The following BCL2 variants were observed in gnomAD, a reference collection of about 807,000 sequenced individuals.
BCL2 encodes the protein apoptosis regulator Bcl-2.
BCL2 carries 1 observed loss-of-function variant against 14.2 expected under a neutral mutation model. That is an observed-to-expected ratio of 0.07 (90% CI 0.02 to 0.33). The LOEUF is 0.33. BCL2 is among the 10% of genes least tolerant of loss of function. The pLI is 0.99. For missense variants in BCL2, 247 were observed against 305.9 expected, an observed-to-expected ratio of 0.81 and a Z score of 1.44; for synonymous variants, 151 against 137.2, an observed-to-expected ratio of 1.10 and a Z score of -0.70.
chr18:63,229,169 TTTTATTTA>T (rs549107762), intron 2 of BCL2, among the ~76,000 whole-genome samples: 2 of 152,234 alleles, frequency 1.3e-5, no homozygotes, highest in Non-Finnish European at 2.9e-5. Context: ...TAGTGGGAGA[TTTTATTTA>T]TTTATTTATT....
chr18:63,247,131 G>T (rs994259238), intron 2 of BCL2, among the ~76,000 whole-genome samples: 1 of 152,012 alleles, frequency 6.6e-6, no homozygotes, highest in Non-Finnish European at 1.5e-5. Flanking sequence ...TAGATGGGGA[G>T]ATAGGAATGA....
intron 2 of BCL2, among the ~76,000 whole-genome samples, chr18:63,303,467 T>A (rs1361821964): frequency 6.6e-6 from 1 of 152,236 alleles, no homozygotes; most frequent in Non-Finnish European, 1.5e-5. Flanking sequence ...CTAACTGGCT[T>A]CCTAAAGAAC....
intron 2 of BCL2, among the ~76,000 whole-genome samples, chr18:63,212,892 G>A (rs1037041115): frequency 1.3e-5 from 2 of 150,446 alleles, no homozygotes; most frequent in East Asian, 1.9e-4. Flanking sequence ...CAAAAAAAAA[G>A]TTGCTACCTT....
At chr18:63,239,076 G>A (rs1045388886) in intron 2 of BCL2, among the ~76,000 whole-genome samples, 1 of 152,156 alleles carries the variant, frequency 6.6e-6, no homozygotes, top group African/African-American at 2.4e-5. Flanking sequence ...CTGATTGGGG[G>A]TCCAATATTA....
intron 2 of BCL2, chr18:63,317,867 G>A: frequency 7.1e-7 from 1 of 1,408,864 alleles, no homozygotes; most frequent in Non-Finnish European, 9.2e-7. Flanking sequence ...CGACTAGCAA[G>A]CAAGTTAAAG....
chr18:63,222,809 AGAG>A (rs1910436588), intron 2 of BCL2, among the ~76,000 whole-genome samples: 1 of 152,226 alleles, frequency 6.6e-6, no homozygotes, highest in Non-Finnish European at 1.5e-5. Context: ...GGACAATAGG[AGAG>A]GAGATTTTAA....
intron 2 of BCL2, among the ~76,000 whole-genome samples, chr18:63,285,202 G>A (rs972637560): frequency 9.2e-5 from 14 of 152,202 alleles, no homozygotes; most frequent in Admixed American, 8.5e-4. Context: ...AAAGATCACT[G>A]GGGGAACTTC....
At chr18:63,287,496 G>A (rs1308144428) in intron 2 of BCL2, among the ~76,000 whole-genome samples, 1 of 152,118 alleles carries the variant, frequency 6.6e-6, no homozygotes, top group Non-Finnish European at 1.5e-5. Flanking sequence ...AGGGTTAGGG[G>A]GTGGCGGGCA....
At chr18:63,167,467 T>G (rs1275635248) in intron 2 of BCL2, among the ~76,000 whole-genome samples, 1 of 152,138 alleles carries the variant, frequency 6.6e-6, no homozygotes, top group Admixed American at 6.5e-5. Flanking sequence ...AATTCCTTCT[T>G]TGGGCACATT....
intron 2 of BCL2, among the ~76,000 whole-genome samples, chr18:63,289,632 G>A (rs1912587565): frequency 6.6e-6 from 1 of 152,180 alleles, no homozygotes; most frequent in Admixed American, 6.5e-5. Flanking sequence ...GGTGGCTCAT[G>A]CCTATAACCC....
At chr18:63,214,717 T>TTATC (rs1348888339) in intron 2 of BCL2, among the ~76,000 whole-genome samples, 48 of 151,388 alleles carry the variant, frequency 3.2e-4, no homozygotes, top group Admixed American at 3.2e-3. Context: ...ATTTATTTAT[T>TTATC]TATCTATTTT....
chr18:63,316,052 T>C (rs748615400), intron 2 of BCL2: 8 of 152,630 alleles, frequency 5.2e-5, no homozygotes, highest in Non-Finnish European at 1.0e-4. Context: ...CATCATAAAA[T>C]GTAGCCTCTA....
intron 2 of BCL2, among the ~76,000 whole-genome samples, chr18:63,241,738 A>C (rs1911006901): frequency 1.3e-5 from 2 of 152,248 alleles, no homozygotes; most frequent in Admixed American, 1.3e-4. Flanking sequence ...AAACACACAG[A>C]AAAGTCAAGA....
intron 2 of BCL2, among the ~76,000 whole-genome samples, chr18:63,131,723 CG>C (rs1205315132): frequency 6.6e-6 from 1 of 152,166 alleles, no homozygotes; most frequent in Non-Finnish European, 1.5e-5. Flanking sequence ...GGTCAGTGGC[CG>C]GGCTCTGAAT....
At chr18:63,226,214 GCTGCTT>G (rs1352866991) in intron 2 of BCL2, among the ~76,000 whole-genome samples, 7 of 152,166 alleles carry the variant, frequency 4.6e-5, no homozygotes. Context: ...TCAACATCCA[GCTGCTT>G]CTCTTCTCTC....
rs971705134 is a variant in BCL2 at position 63,184,768 on chromosome 18, G to A, written c.586-56009C>T. 3.3e-5 allele frequency among the ~76,000 whole-genome samples: 5 copies of A among 152,206 alleles called. No homozygotes were observed. The East Asian group carries it at 5.8e-4, about 18-fold the overall frequency. ...AGCAAGTAATGCCATCCTTGAAGGC[G>A]CCTTGAGGGCCATACTCTTAGTCTT... On this transcript the variant is annotated intron_variant, in intron 2 of 2. Transcript: ENST00000333681.
intron 2 of BCL2, among the ~76,000 whole-genome samples, chr18:63,201,029 C>T (rs533600638): frequency 2.0e-5 from 3 of 152,336 alleles, no homozygotes; most frequent in Admixed American, 6.5e-5. Context: ...GCATAACCTG[C>T]ACCAAATGGG....
chr18:63,129,350 T>G (rs1052275980), intron 2 of BCL2, among the ~76,000 whole-genome samples: 1 of 151,356 alleles, frequency 6.6e-6, no homozygotes, highest in Admixed American at 6.6e-5. Flanking sequence ...AGTGCAGTGG[T>G]GCAATCATGA....
chr18:63,272,356 A>G (rs989057408), intron 2 of BCL2, among the ~76,000 whole-genome samples: 1 of 152,232 alleles, frequency 6.6e-6, no homozygotes, highest in Non-Finnish European at 1.5e-5. Flanking sequence ...GAATTTACAC[A>G]TATTTAACAA....
Sources: gnomAD v4.1 joint callset for allele counts (sites outside exome capture counted in the v4.1 genomes callset) on GRCh38, gnomAD v4.1.1 for gene constraint, MANE v1.5 for transcripts, NCBI Gene and HGNC (gene_info 2026-07-23, HGNC 2026-07-21) for gene names.